The following GPHN variants were observed in gnomAD, a reference collection of about 807,000 sequenced individuals.
The protein encoded by GPHN is gephyrin.
A neutral mutation model predicts 95.5 loss-of-function variants in GPHN; 17 were observed. The observed-to-expected ratio is 0.18, with a 90% CI of 0.12 to 0.27. The LOEUF is 0.27. Ranked by LOEUF, GPHN falls within the 10% of genes least tolerant of loss-of-function variation. GPHN has a pLI of 1.00. For synonymous variants in GPHN, 320 were observed against 322.5 expected (o/e 0.99, Z 0.08); for missense variants, 660 against 978.1 (o/e 0.67, Z 4.34).
the GPHN span, among the ~76,000 whole-genome samples, chr14:67,191,725 C>T: frequency 4.1e-4 from 62 of 152,308 alleles, no homozygotes; most frequent in South Asian, 2.3e-3. Context: ...CACCATGGAA[C>T]GTCTAGAGAG....
chr14:67,599,782 A>C, the GPHN span, among the ~76,000 whole-genome samples: 1 of 152,164 alleles, frequency 6.6e-6, no homozygotes, highest in East Asian at 1.9e-4. Flanking sequence ...GAGTGAACCC[A>C]CGGAGCAGAG....
chr14:66,686,397 C>T (rs1402605959), intron 2 of GPHN, among the ~76,000 whole-genome samples: 1 of 152,098 alleles, frequency 6.6e-6, no homozygotes, highest in Non-Finnish European at 1.5e-5. Flanking sequence ...AAATGTTCTT[C>T]CATTTGTTTA....
At chr14:67,376,765 A>G in the GPHN span, among the ~76,000 whole-genome samples, 103 of 152,342 alleles carry the variant, frequency 6.8e-4, no homozygotes, top group African/African-American at 2.4e-3. Flanking sequence ...TATGTATCAT[A>G]GTTATGTAGA....
intron 11 of GPHN, among the ~76,000 whole-genome samples, chr14:67,066,259 ACT>A (rs1280310372): frequency 3.9e-5 from 6 of 151,980 alleles, no homozygotes; most frequent in Non-Finnish European, 8.8e-5. Context: ...ATTGGCCCCC[ACT>A]CTCTTCTGGA....
rs145396881 is a variant in GPHN at position 66,691,115 on chromosome 14, G to A, written c.143+9930G>A. 3.1e-3 allele frequency among the ~76,000 whole-genome samples: 467 copies of A among 152,238 alleles called. 1 individual carries two copies. Among genetic ancestry groups the A allele is most frequent in the African/African-American group, 0.011 (454 of 41,538 alleles). Reference sequence around the variant, plus strand: ...CTGGCACTTTGGGAGACTGAGGTGGGAGGATCAGTTGAGCCCAGTAATTTG... The same window carrying A: ...CTGGCACTTTGGGAGACTGAGGTGGAAGGATCAGTTGAGCCCAGTAATTTG... On this transcript the variant is annotated intron_variant, in intron 2 of 22. Transcript: ENST00000478722.
intron 2 of GPHN, among the ~76,000 whole-genome samples, chr14:66,707,060 A>G (rs1290027146): frequency 1.3e-5 from 2 of 152,078 alleles, no homozygotes; most frequent in Non-Finnish European, 2.9e-5. Flanking sequence ...TTGAAAAAAA[A>G]AAAAAACAAC....
At chr14:67,686,757 T>C in the GPHN span, among the ~76,000 whole-genome samples, 1 of 152,100 alleles carries the variant, frequency 6.6e-6, no homozygotes. Context: ...CATACTTCAA[T>C]TTTTTTCTCT....
intron 8 of GPHN, among the ~76,000 whole-genome samples, chr14:66,964,252 A>G (rs117137932): frequency 0.012 from 1,831 of 152,072 alleles, 19 homozygotes; most frequent in Non-Finnish European, 0.018. Flanking sequence ...AACACATTAA[A>G]TATTTACCAC....
intron 1 of GPHN, among the ~76,000 whole-genome samples, chr14:66,596,799 G>A (rs1206925267): frequency 7.2e-5 from 11 of 152,148 alleles, no homozygotes; most frequent in Non-Finnish European, 1.5e-4. Context: ...CGCCCGGGGG[G>A]CGGGGCTCCC....
intron 16 of GPHN, among the ~76,000 whole-genome samples, chr14:67,118,922 A>G (rs1056773955): frequency 5.3e-5 from 8 of 152,192 alleles, no homozygotes; most frequent in African/African-American, 1.9e-4. Context: ...ACCCTTCAAC[A>G]GAGTCTCAGT....
intron 1 of GPHN, among the ~76,000 whole-genome samples, chr14:66,670,616 C>A (rs992724541): frequency 6.6e-6 from 1 of 152,024 alleles, no homozygotes; most frequent in African/African-American, 2.4e-5. Flanking sequence ...ACAGCGAAAC[C>A]CAGTCTTAAC....
the GPHN span, among the ~76,000 whole-genome samples, chr14:67,205,679 AG>A: frequency 1.3e-3 from 192 of 152,326 alleles, no homozygotes; most frequent in Non-Finnish European, 2.1e-3. Context: ...TGTGGAGAAT[AG>A]TAGAATATAG....
chr14:67,134,914 C>G (rs369596257), intron 17 of GPHN, among the ~76,000 whole-genome samples: 3 of 103,178 alleles, frequency 2.9e-5, no homozygotes, highest in Non-Finnish European at 6.3e-5. Flanking sequence ...TCCTTTCTCT[C>G]TCTTTCTTTC....
At chr14:66,630,846 T>G (rs1595328074) in intron 1 of GPHN, among the ~76,000 whole-genome samples, 2 of 152,290 alleles carry the variant, frequency 1.3e-5, no homozygotes, top group South Asian at 4.1e-4. Flanking sequence ...GTTTCTGGTA[T>G]TTCCTATGTT....
chr14:67,382,631 T>G, the GPHN span: 1 of 1,610,644 alleles, frequency 6.2e-7, no homozygotes, highest in East Asian at 2.2e-5. Flanking sequence ...ACTCAGGAGG[T>G]TCCTAAAAGG....
At chr14:67,320,284 C>T in the GPHN span, 1 of 1,613,598 alleles carries the variant, frequency 6.2e-7, no homozygotes, top group Non-Finnish European at 8.5e-7. Flanking sequence ...TATCATCAGC[C>T]AGCAAATAGG....
intron 3 of GPHN, among the ~76,000 whole-genome samples, chr14:66,812,960 T>G (rs1435616187): frequency 1.3e-5 from 2 of 152,208 alleles, no homozygotes; most frequent in Non-Finnish European, 2.9e-5. Context: ...ATAATTATTT[T>G]AGCTTAGCAT....
At chr14:67,299,870 A>T in the GPHN span, among the ~76,000 whole-genome samples, 2 of 152,210 alleles carry the variant, frequency 1.3e-5, no homozygotes, top group Non-Finnish European at 2.9e-5. Context: ...TACATTTTTA[A>T]TCCAGAATTA....
At chr14:66,686,710 A>G (rs2067384874) in intron 2 of GPHN, among the ~76,000 whole-genome samples, 1 of 152,128 alleles carries the variant, frequency 6.6e-6, no homozygotes, top group Admixed American at 6.5e-5. Context: ...GGACAATTTG[A>G]GTTCTTCTTT....
Sources: gnomAD v4.1 joint callset for allele counts (sites outside exome capture counted in the v4.1 genomes callset) on GRCh38, gnomAD v4.1.1 for gene constraint, MANE v1.5 for transcripts, NCBI Gene and HGNC (gene_info 2026-07-23, HGNC 2026-07-21) for gene names.